The following SMC2 variants were observed in gnomAD, a reference collection of about 807,000 sequenced individuals.
SMC2 encodes structural maintenance of chromosomes protein 2.
Under a neutral mutation model 142.6 loss-of-function variants are expected in SMC2, and 41 were observed. The observed-to-expected ratio is 0.29, with a 90% CI of 0.22 to 0.37. The LOEUF (loss-of-function observed/expected upper bound fraction) is 0.37. Among genes scored for constraint, SMC2 ranks in the 10% least tolerant of loss-of-function variants. SMC2 has a pLI of 1.00. For missense variants in SMC2, 1,265 were observed against 1,373.7 expected (o/e 0.92, Z 1.25); for synonymous variants, 463 against 457.5 (o/e 1.01, Z -0.15).
At position 104,095,322 on chromosome 9, in the gene SMC2, A is replaced by G; in HGVS notation, c.-61-2A>G. On this transcript the variant is annotated splice_acceptor_variant, in intron 1 of 24. Coordinates refer to ENST00000374793, the MANE Select transcript of SMC2 (RefSeq NM_006444.3). LOFTEE classifies it low-confidence loss of function (5UTR_SPLICE). ...AGGTGGTGGTATTTCTGTTTCGTAC[A>G]GAACTGGTTTGTGGCCTGTTTGATT... The G allele has an allele frequency of 5.8e-6, 8 of 1,371,982 alleles. No homozygotes were observed. The highest frequency in any genetic ancestry group is 8.1e-6 in the Non-Finnish European group (8 of 982,144). 85.0% of individuals were successfully genotyped at this position (1,371,982 alleles called of 1,614,324 possible).
chr9:104,129,808 T>C lies in SMC2; in HGVS notation c.2954T>C (p.Met985Thr). The C allele has an allele frequency of 1.9e-6, 3 of 1,613,816 alleles. No homozygotes were observed. Among genetic ancestry groups the C allele is most frequent in the Non-Finnish European group, 2.5e-6 (3 of 1,179,852 alleles). ...MKEKLGRNVN[M>T]RAMNVLTEAE... is the part of the protein sequence containing the mutation. ...GAGAAACTAGGAAGAAATGTCAATA[T>C]GAGAGCTATGAATGTATTGACAGAA... The change falls in exon 21 of 25, where the codon ATG becomes ACG. Residue 985 changes from methionine (M) to threonine (T), a missense_variant. Around this residue, in one of 4 missense-constraint regions of SMC2, gnomAD observed 192 missense variants for 261.9 expected, o/e 0.73. Coordinates refer to ENST00000374793, the MANE Select transcript of SMC2 (RefSeq NM_006444.3).
chr9:104,099,000 G>A (rs10820601), intron 4 of SMC2, among the ~76,000 whole-genome samples: 89,508 of 151,436 alleles, frequency 0.59, 27,867 homozygotes, highest in African/African-American at 0.75. Context: ...CCATCCAGCT[G>A]CCGTTTGAGA....
At position 104,094,975 on chromosome 9, in the gene SMC2, G is replaced by A. The variant is rs983226622; in HGVS notation, c.-61-349G>A. On this transcript the variant is annotated intron_variant, in intron 1 of 24. Transcript: ENST00000374793. Reference sequence around the variant, plus strand: ...TTTGAGCAAAGACGTGAGTGCAGTAGAGAGTAAGCTATGTCAGTATCAGAG... The same window carrying A: ...TTTGAGCAAAGACGTGAGTGCAGTAAAGAGTAAGCTATGTCAGTATCAGAG... The A allele has an allele frequency of 8.1e-5, 15 of 186,054 alleles. No individual in the cohort carries two copies. The East Asian group carries it at 2.2e-3, about 27-fold the overall frequency. 11.5% of individuals were successfully genotyped at this position (186,054 alleles called of 1,614,324 possible).
At position 104,108,531 on chromosome 9, in the gene SMC2, G is replaced by C. The variant is rs561532176; in HGVS notation, c.1021-3050G>C. Among the ~76,000 whole-genome samples, 9 of 152,238 alleles carry C rather than the reference G, an allele frequency of 5.9e-5. No individual in the cohort carries two copies. The East Asian group carries it at 1.5e-3, about 26-fold the overall frequency. ...GAACCTCTTTCCTGTTCCCTCTCGG[G>C]ATCCATCTGACTACCCACTTCCCGA... On this transcript the variant is annotated intron_variant, in intron 9 of 24. Transcript: ENST00000374793.
rs778167495 is a variant in SMC2, at chr9:104,095,357, G to C, written c.-28G>C. The C allele has an allele frequency of 1.9e-6, 3 of 1,599,918 alleles. No homozygotes were observed. In the Admixed American group the frequency reaches 5.1e-5, roughly 27 times the overall value. Reference sequence around the variant, plus strand: ...TGTGGCCTGTTTGATTCCTGTCAGAGGTTTGCTGACCCAAGACAGTATCGA... The same window carrying C: ...TGTGGCCTGTTTGATTCCTGTCAGACGTTTGCTGACCCAAGACAGTATCGA... On this transcript the variant is annotated 5_prime_UTR_variant, in exon 2 of 25. Coordinates refer to ENST00000374793, the MANE Select transcript of SMC2 (RefSeq NM_006444.3).
rs1466993106 is a variant in SMC2, at chr9:104,094,441, CT to C, written c.-94del. The C allele has an allele frequency of 5.1e-6, 2 of 392,302 alleles. No individual in the cohort carries two copies. Among genetic ancestry groups the C allele is most frequent in the Non-Finnish European group, 9.0e-6 (2 of 222,664 alleles). 24.3% of individuals were successfully genotyped at this position (392,302 alleles called of 1,614,324 possible). A position where few individuals can be genotyped will look rare whatever the true frequency, so the allele number is the denominator to read the frequency against. On this transcript the variant is annotated 5_prime_UTR_variant, in exon 1 of 25. Transcript: ENST00000374793. ...TCCCTGCCTTTGTGACCCGGAGGAG[CT>C]TTTGGGGTGCGTCAAGCCCCTGGCC...
At chr9:104,124,463 CTT>C (rs1365628891) in intron 17 of SMC2, among the ~76,000 whole-genome samples, 1 of 152,024 alleles carries the variant, frequency 6.6e-6, no homozygotes, top group Non-Finnish European at 1.5e-5. Context: ...TATTTGTCGA[CTT>C]TAATGAGAAG....
At position 104,096,238 on chromosome 9, in the gene SMC2, G is replaced by T. The variant is rs1482716825; in HGVS notation, c.259G>T (p.Asp87Tyr). Reference sequence around the variant, plus strand: ...TGTGTCAATCACTTTTGATAATTCTGACAAAAAGCAAAGTCCTTTAGGATT... The same window carrying T: ...TGTGTCAATCACTTTTGATAATTCTTACAAAAAGCAAAGTCCTTTAGGATT... ...ASVSITFDNSDKKQSPLGFEV... is the reference protein window; with the variant it reads ...ASVSITFDNSYKKQSPLGFEV... The change falls in exon 3 of 25, where the codon GAC (aspartate) becomes TAC (tyrosine). Residue 87 changes from aspartate (D) to tyrosine (Y), a missense_variant. Asp to Tyr is a radical substitution (Grantham distance 160, BLOSUM62 -3). Transcript: ENST00000374793. The T allele has an allele frequency of 6.2e-7, 1 of 1,614,096 alleles. No homozygotes were observed.
chr9:104,118,456 C>A (rs1833374325), intron 15 of SMC2, 81 bp downstream of exon 15: 1 of 1,098,686 alleles, frequency 9.1e-7, no homozygotes, highest in South Asian at 1.5e-5. Context: ...TTTAGCCCAA[C>A]TACCCACTTC....
At chr9:104,137,582 T>G (rs78259217) in intron 23 of SMC2, among the ~76,000 whole-genome samples, 8,551 of 152,182 alleles carry the variant, frequency 0.056, 637 homozygotes, top group African/African-American at 0.18. Flanking sequence ...ATGTAAGTGT[T>G]TACATTATGA....
At chr9:104,130,878 AGAG>A (rs1163387864) in intron 21 of SMC2, among the ~76,000 whole-genome samples, 2 of 152,130 alleles carry the variant, frequency 1.3e-5, no homozygotes, top group Non-Finnish European at 2.9e-5. Flanking sequence ...TCTCTTTACC[AGAG>A]GAGAAGCCTA....
chr9:104,100,281 A>G (rs1482757424), intron 6 of SMC2, 78 bp downstream of exon 6: 4 of 1,394,878 alleles, frequency 2.9e-6, no homozygotes, highest in African/African-American at 1.5e-5. Flanking sequence ...AGAGGGAAAA[A>G]TTTTTTTCCT....
intron 23 of SMC2, among the ~76,000 whole-genome samples, chr9:104,136,325 A>ATTTTATTTATATT (rs1238052457): frequency 6.6e-6 from 1 of 151,964 alleles, no homozygotes; most frequent in Non-Finnish European, 1.5e-5. Context: ...GTAGAAATAT[A>ATTTTATTTATATT]TTTTATTTAT....
chr9:104,124,771 C>A (rs955032054), intron 17 of SMC2, 141 bp from the exon 18 acceptor site: 17 of 581,230 alleles, frequency 2.9e-5, no homozygotes, highest in Non-Finnish European at 5.9e-6. Flanking sequence ...TTTCATTATA[C>A]CATTTCTAGA....
chr9:104,132,148 A>T, intron 22 of SMC2, 23 bp downstream of exon 22: 5 of 1,221,788 alleles, frequency 4.1e-6, no homozygotes, highest in Non-Finnish European at 6.0e-6. Context: ...TTTGTTTTAT[A>T]TGAGGTTGCA....
Position 104,116,220 on chromosome 9 carries a change from A to T in SMC2, c.1692A>T (p.Leu564=), listed in dbSNP as rs201352232. 5.0e-5 allele frequency: 80 copies of T among 1,601,130 alleles called. No individual in the cohort carries two copies. The East Asian group carries it at 1.7e-3, about 34-fold the overall frequency. Reference sequence around the variant, plus strand: ...TGTAGGTTACTGGTAAAAAGCTACTAGAAAGGGGGGAACTGAAACGTCGAT... The same window carrying T: ...TGTAGGTTACTGGTAAAAAGCTACTTGAAAGGGGGGAACTGAAACGTCGAT... ...VDTEVTGKKL[L]ERGELKRRYT... The change falls in exon 14 of 25, where the codon CTA becomes CTT. Residue 564 remains leucine (L), a synonymous_variant. Transcript: ENST00000374793.
Position 104,126,631 on chromosome 9 carries a change from T to C in SMC2, c.2452-10T>C. On this transcript the variant is annotated splice_polypyrimidine_tract_variant and intron_variant, in intron 18 of 24. Coordinates refer to ENST00000374793, the MANE Select transcript of SMC2 (RefSeq NM_006444.3). ...CCTATATGAATACCTGAATACTGTA[T>C]TTTTTATAGGAAGTTGAAGCTATCA... is the stretch of plus-strand genomic sequence containing the variant. 6.3e-7 allele frequency: 1 copy of C among 1,599,622 alleles called. No individual in the cohort carries two copies. Among genetic ancestry groups the C allele is most frequent in the Non-Finnish European group, 8.5e-7 (1 of 1,175,340 alleles).
chr9:104,139,241 T>C lies in SMC2; in HGVS notation c.3520T>C (p.Cys1174Arg). 1 of 1,601,696 alleles carries C rather than the reference T, an allele frequency of 6.2e-7. No individual in the cohort carries two copies. Among genetic ancestry groups the C allele is most frequent in the Non-Finnish European group, 8.5e-7 (1 of 1,175,778 alleles). ...GVSTVARFTQ[C>R]QNGKISKEAK... The stretch of plus-strand genomic sequence containing the variant: ...TTCTACAGTAGCCAGATTTACTCAA[T>C]GTCAAAATGGAAAGATTTCAAAGGA... Residue 1174 changes from cysteine (C) to arginine (R), a missense_variant, in exon 25 of 25, where the codon TGT becomes CGT. By Grantham distance (180) the Cys-to-Arg change is radical (BLOSUM62 -3). Around this residue, in one of 4 missense-constraint regions of SMC2, gnomAD observed 192 missense variants for 261.9 expected, o/e 0.73. Coordinates refer to ENST00000374793, the MANE Select transcript of SMC2 (RefSeq NM_006444.3).
chr9:104,127,949 C>G (rs1465723461), intron 20 of SMC2, among the ~76,000 whole-genome samples: 1 of 152,172 alleles, frequency 6.6e-6, no homozygotes, highest in East Asian at 1.9e-4. Flanking sequence ...TATAAAAAAT[C>G]TGATGTTTTG....
Sources: gnomAD v4.1 joint callset for allele counts (sites outside exome capture counted in the v4.1 genomes callset) on GRCh38, gnomAD v4.1.1 for gene constraint, gnomAD v4.1.1 regional missense constraint, MANE v1.5 for transcripts, NCBI Gene and HGNC (gene_info 2026-07-23, HGNC 2026-07-21) for gene names.